SRBD1: variants seen among roughly 807,000 people sequenced by gnomAD.
SRBD1 encodes S1 RNA binding domain 1, also known as S1 RNA-binding domain-containing protein 1.
Under a neutral mutation model 115.3 loss-of-function variants are expected in SRBD1, and 88 were observed. The observed-to-expected ratio is 0.76, with a 90% confidence interval of 0.64 to 0.91. The LOEUF is 0.91. Among genes scored for constraint, SRBD1 ranks in the 40% least tolerant of loss-of-function variants. SRBD1 has a pLI of 0.00. For synonymous variants in SRBD1, 509 were observed against 407.7 expected (o/e 1.25, Z -2.99); for missense variants, 1,385 against 1,177.4 (o/e 1.18, Z -2.58).
chr2:45,509,021 G>C (rs1043885377), intron 14 of SRBD1, among the ~76,000 whole-genome samples: 3 of 152,024 alleles, frequency 2.0e-5, no homozygotes, highest in African/African-American at 7.2e-5. Flanking sequence ...GAGAATACAT[G>C]CTAGTACACA....
At chr2:45,574,599 C>T (rs762907637) in intron 8 of SRBD1, 28 bp downstream of exon 8, 4 of 1,601,650 alleles carry the variant, frequency 2.5e-6, no homozygotes, top group Non-Finnish European at 3.4e-6. Context: ...GTCCATAAAG[C>T]AGAAAACTCC....
intron 14 of SRBD1, among the ~76,000 whole-genome samples, chr2:45,497,000 A>C (rs1670479950): frequency 6.6e-6 from 1 of 152,184 alleles, no homozygotes; most frequent in South Asian, 2.1e-4. Context: ...AGATGGAGGG[A>C]AAGAATGAGT....
intron 16 of SRBD1, among the ~76,000 whole-genome samples, chr2:45,421,147 A>G (rs1667986381): frequency 6.6e-6 from 1 of 152,208 alleles, no homozygotes; most frequent in East Asian, 1.9e-4. Context: ...ATGATTTACC[A>G]CAGGGACAAC....
chr2:45,445,220 A>C (rs1393611863), intron 16 of SRBD1, among the ~76,000 whole-genome samples: 2 of 152,200 alleles, frequency 1.3e-5, no homozygotes, highest in Non-Finnish European at 2.9e-5. Flanking sequence ...AGCTGAAAAA[A>C]GATTCTGGCT....
intron 14 of SRBD1, among the ~76,000 whole-genome samples, chr2:45,488,723 C>G (rs1670198714): frequency 2.0e-5 from 3 of 152,116 alleles, no homozygotes; most frequent in Non-Finnish European, 4.4e-5. Flanking sequence ...TGATTCTTAC[C>G]TGAATGAATC....
At chr2:45,503,964 A>G (rs1332063226) in intron 14 of SRBD1, among the ~76,000 whole-genome samples, 3 of 152,216 alleles carry the variant, frequency 2.0e-5, no homozygotes, top group Non-Finnish European at 4.4e-5. Flanking sequence ...CCTTCTTTAT[A>G]TAACTCAAGT....
At chr2:45,444,868 G>A (rs976069887) in intron 16 of SRBD1, among the ~76,000 whole-genome samples, 2 of 152,172 alleles carry the variant, frequency 1.3e-5, no homozygotes, top group African/African-American at 4.8e-5. Context: ...ATTCAGCAAA[G>A]GCAACCTTCT....
intron 16 of SRBD1, among the ~76,000 whole-genome samples, chr2:45,421,461 C>T (rs1045759156): frequency 1.1e-4 from 13 of 119,662 alleles, no homozygotes; most frequent in Admixed American, 3.6e-4. Flanking sequence ...GAGCGTAGAT[C>T]GTGCCACTGC....
rs1558545965 is a variant in SRBD1, at chr2:45,389,608, GA to G, written c.2699-10del. The G allele has an allele frequency of 6.2e-6, 10 of 1,605,014 alleles. No individual in the cohort carries two copies. The Admixed American group carries it at 1.7e-4, about 28-fold the overall frequency. On this transcript the variant is annotated splice_polypyrimidine_tract_variant and intron_variant, in intron 20 of 20. Transcript: ENST00000263736. ...ATCAGGTTTATCAAAATCTGTAAGA[GA>G]AAAAAAGTAAGTGTAAATAAGGCAT... is the stretch of plus-strand genomic sequence containing the variant.
At chr2:45,581,654 A>T (rs766937206) in intron 6 of SRBD1, 39 bp downstream of exon 6, 23 of 1,508,494 alleles carry the variant, frequency 1.5e-5, no homozygotes, top group Non-Finnish European at 2.1e-5. Flanking sequence ...ATTGCAATAT[A>T]TTCAGGTATT....
At position 45,571,517 on chromosome 2, in the gene SRBD1, C is replaced by CAAAAAAAA. The variant is rs58100763; in HGVS notation, c.1305+1682_1305+1689dup. Among the ~76,000 whole-genome samples, 349 of 39,406 alleles carry CAAAAAAAA rather than the reference C, an allele frequency of 8.9e-3. 34 individuals carry two copies. The highest frequency in any genetic ancestry group is 0.014 in the African/African-American group (159 of 11,160). The allele number at this position is 39,406 out of a possible 152,430, so 25.9% of individuals were successfully genotyped here. A position where few individuals can be genotyped will look rare whatever the true frequency, so the allele number is the denominator to read the frequency against. On this transcript the variant is annotated intron_variant, in intron 9 of 20. Coordinates refer to ENST00000263736, the MANE Select transcript of SRBD1 (RefSeq NM_018079.5). ...AAAATACAACATATCCAGACTTTACCAAAAAAAAAAAAAAAAAAAAAAAAA... is the reference window on the plus strand; with the variant it reads ...AAAATACAACATATCCAGACTTTACCAAAAAAAAAAAAAAAAAAAAAAAAAAAAAAAAA...
chr2:45,471,063 A>T (rs1470959819), intron 16 of SRBD1, among the ~76,000 whole-genome samples: 1 of 152,232 alleles, frequency 6.6e-6, no homozygotes, highest in Non-Finnish European at 1.5e-5. Flanking sequence ...AAATGAAAAT[A>T]AGTATTAAGT....
chr2:45,536,015 T>A (rs1671752891), intron 14 of SRBD1, among the ~76,000 whole-genome samples: 1 of 152,042 alleles, frequency 6.6e-6, no homozygotes. Context: ...TATGTCCTTG[T>A]AAAATCCACA....
intron 14 of SRBD1, among the ~76,000 whole-genome samples, chr2:45,545,384 G>C (rs1476365549): frequency 6.9e-6 from 1 of 145,584 alleles, no homozygotes; most frequent in African/African-American, 2.6e-5. Flanking sequence ...ACTGCCTAAA[G>C]TTCAATAAAG....
At chr2:45,477,358 T>C (rs139290805) in intron 15 of SRBD1, among the ~76,000 whole-genome samples, 68 of 152,364 alleles carry the variant, frequency 4.5e-4, no homozygotes, top group Middle Eastern at 6.8e-3. Context: ...GTTTACTCCC[T>C]ATACTTACAT....
chr2:45,551,863 T>C (rs764978166), intron 11 of SRBD1, among the ~76,000 whole-genome samples: 11 of 152,024 alleles, frequency 7.2e-5, no homozygotes, highest in Non-Finnish European at 1.2e-4. Flanking sequence ...AAGCATGAAA[T>C]TGTGAGATGA....
intron 14 of SRBD1, among the ~76,000 whole-genome samples, chr2:45,538,710 T>C (rs1232968983): frequency 2.6e-5 from 4 of 152,250 alleles, no homozygotes; most frequent in African/African-American, 4.8e-5. Flanking sequence ...TCTCTTCTTG[T>C]ACCTTACTGA....
chr2:45,421,245 C>T (rs150667340), intron 16 of SRBD1, among the ~76,000 whole-genome samples: 2 of 152,090 alleles, frequency 1.3e-5, no homozygotes, highest in African/African-American at 4.8e-5. Flanking sequence ...TGGTGGCTCA[C>T]GCCTGTAATC....
chr2:45,488,739 A>G (rs1223686337), intron 14 of SRBD1, among the ~76,000 whole-genome samples: 4 of 152,192 alleles, frequency 2.6e-5, no homozygotes, highest in African/African-American at 9.7e-5. Context: ...GAATCATTCT[A>G]AGGCACCTTG....
Sources: allele counts gnomAD v4.1 joint callset (sites outside exome capture counted in the v4.1 genomes callset), GRCh38; gene constraint gnomAD v4.1.1; transcripts MANE v1.5; gene names NCBI Gene and HGNC (gene_info 2026-07-23, HGNC 2026-07-21).